The following IP6K2 variants were observed in gnomAD, a reference collection of about 807,000 sequenced individuals.
IP6K2 encodes ATP:1D-myo-inositol-hexakisphosphate phosphotransferase.
IP6K2 carries 9 observed loss-of-function variants against 43.3 expected under a neutral mutation model. That is an observed-to-expected ratio of 0.21 (90% confidence interval 0.13 to 0.36). The LOEUF is 0.36. IP6K2 is among the 10% of genes least tolerant of loss of function. IP6K2 has a pLI of 1.00. For synonymous variants in IP6K2, 209 were observed against 202.4 expected, an observed-to-expected ratio of 1.03 and a Z score of -0.28; for missense variants, 332 against 538.4, an observed-to-expected ratio of 0.62 and a Z score of 3.79.
At position 48,692,974 on chromosome 3, in the gene IP6K2, A is replaced by G. The variant is rs1266727569; in HGVS notation, c.408T>C (p.Arg136=). Residue 136 remains arginine (R), a synonymous_variant, in exon 3 of 6, where the codon CGT becomes CGC. Coordinates refer to ENST00000328631, the MANE Select transcript of IP6K2 (RefSeq NM_016291.4). ...KTPKDWVRQH[R]KEEKMKSHKL... is the part of the protein sequence containing the mutation. ...CTCACCTCTTCATTTTCTCCTCTTT[A>G]CGGTGCTGACGCACCCAGTCCTTAG... 1 of 1,612,308 alleles carries G rather than the reference A, an allele frequency of 6.2e-7. No homozygotes were observed. The highest frequency in any genetic ancestry group is 1.7e-5 in the Admixed American group (1 of 59,848).
At chr3:48,694,332 G>T in intron 2 of IP6K2, 1 of 1,548,936 alleles carries the variant, frequency 6.5e-7, no homozygotes, top group South Asian at 1.2e-5. Flanking sequence ...TACAGAGAAA[G>T]GCACCCAGTA....
At chr3:48,704,335 T>C (rs2079435557) in intron 1 of IP6K2, among the ~76,000 whole-genome samples, 1 of 152,150 alleles carries the variant, frequency 6.6e-6, no homozygotes, top group Non-Finnish European at 1.5e-5. Context: ...ATGAACACAT[T>C]CGCCTCCACA....
intron 1 of IP6K2, among the ~76,000 whole-genome samples, chr3:48,714,969 G>A (rs1357537509): frequency 2.0e-5 from 3 of 151,846 alleles, no homozygotes; most frequent in Non-Finnish European, 4.4e-5. Context: ...CAAATCAACT[G>A]TGCATCATCT....
intron 1 of IP6K2, among the ~76,000 whole-genome samples, chr3:48,703,775 A>G (rs963055261): frequency 6.6e-6 from 1 of 151,436 alleles, no homozygotes; most frequent in Non-Finnish European, 1.5e-5. Flanking sequence ...ATGAGGAAAT[A>G]AATATAAAAA....
At chr3:48,691,863 T>G (rs1325998096) in intron 3 of IP6K2, among the ~76,000 whole-genome samples, 1 of 152,164 alleles carries the variant, frequency 6.6e-6, no homozygotes, top group Non-Finnish European at 1.5e-5. Flanking sequence ...TTTTTTTTCT[T>G]TTTTTGAGAT....
At chr3:48,707,081 C>T (rs1005624700) in intron 1 of IP6K2, among the ~76,000 whole-genome samples, 2 of 152,172 alleles carry the variant, frequency 1.3e-5, no homozygotes, top group East Asian at 3.9e-4. Flanking sequence ...AAGCTTCAGA[C>T]ACCACAAAAC....
intron 2 of IP6K2, chr3:48,694,016 C>CG: frequency 7.1e-7 from 1 of 1,400,056 alleles, no homozygotes; most frequent in South Asian, 1.7e-5. Flanking sequence ...CACCTTTCCT[C>CG]CCAGGCCTCT....
Position 48,695,931 on chromosome 3 carries a change from C to CGGGA in IP6K2, c.-130-514_-130-511dup, listed in dbSNP as rs1441293692. ...GATGGAGTCTCACTCTATCGCCAGG[C>CGGGA]GGGAGTGCAGTGGCACAATCTCGAC... On this transcript the variant is annotated intron_variant, in intron 1 of 5. Transcript: ENST00000328631. This position sits in a 1 kb window ranked among gnomAD's most constrained non-coding sequence, Gnocchi z 4.6. Among the ~76,000 whole-genome samples the CGGGA allele has an allele frequency of 2.0e-5, 3 of 149,954 alleles. No homozygotes were observed. The highest frequency in any genetic ancestry group is 7.4e-5 in the African/African-American group (3 of 40,792).
intron 1 of IP6K2, among the ~76,000 whole-genome samples, chr3:48,715,692 T>C (rs1663490511): frequency 1.3e-5 from 2 of 152,078 alleles, no homozygotes; most frequent in Admixed American, 1.3e-4. Context: ...TTCTTATCCA[T>C]TTCATTTCTT....
At position 48,693,279 on chromosome 3, in the gene IP6K2, T is replaced by C. The variant is rs755038993; in HGVS notation, c.203-100A>G. 1.2e-5 allele frequency: 14 copies of C among 1,200,884 alleles called. No homozygotes were observed. The African/African-American group carries it at 1.9e-4, about 17-fold the overall frequency. The allele number at this position is 1,200,884 out of a possible 1,614,324, so 74.4% of individuals were successfully genotyped here. ...TTTGTTTTTTTCTTACCCAGTTCCT[T>C]AGTCTCTATGTTGCCAGAGGCCCCA... On this transcript the variant is annotated intron_variant, in intron 2 of 5. Transcript: ENST00000328631.
intron 4 of IP6K2, 68 bp from the exon 5 acceptor site, chr3:48,689,781 A>ACCTT: frequency 7.1e-7 from 1 of 1,405,432 alleles, no homozygotes; most frequent in Non-Finnish European, 9.9e-7. Flanking sequence ...CTCTCAAGGT[A>ACCTT]CAGTGCCTTG....
At chr3:48,704,392 T>C (rs115298448) in intron 1 of IP6K2, among the ~76,000 whole-genome samples, 251 of 152,340 alleles carry the variant, frequency 1.6e-3, no homozygotes, top group African/African-American at 5.9e-3. Flanking sequence ...TTTCATTCAA[T>C]TGTATGACGG....
chr3:48,695,090 C>T lies in IP6K2; in HGVS notation c.202G>A (p.Gly68Ser). 1 of 1,613,888 alleles carries T rather than the reference C, an allele frequency of 6.2e-7. No individual in the cohort carries two copies. Among genetic ancestry groups the T allele is most frequent in the Non-Finnish European group, 8.5e-7 (1 of 1,179,764 alleles). Residue 68 changes from glycine to serine, a missense_variant and splice_region_variant, in exon 2 of 6, where the codon GGT becomes AGT. Coordinates refer to ENST00000328631, the MANE Select transcript of IP6K2 (RefSeq NM_016291.4). The surrounding 1 kb of genome is among the most constrained non-coding windows in gnomAD (Gnocchi z 4.6). Reference sequence around the variant, plus strand: ...AACCCCTCCAGCAGCTGGGACTTACCTTTGTACTGGGGAGTGAATTTGCGC... The same window carrying T: ...AACCCCTCCAGCAGCTGGGACTTACTTTTGTACTGGGGAGTGAATTTGCGC... ...EMRKFTPQYKGVVSVRFEEDE... is the reference protein window; with the variant it reads ...EMRKFTPQYKSVVSVRFEEDE...
At chr3:48,692,123 G>A (rs955149269) in intron 3 of IP6K2, among the ~76,000 whole-genome samples, 38 of 152,098 alleles carry the variant, frequency 2.5e-4, no homozygotes, top group African/African-American at 6.5e-4. Flanking sequence ...ATGAGCCACC[G>A]CACCCGGCCA....
At chr3:48,702,825 G>C (rs913058661) in intron 1 of IP6K2, among the ~76,000 whole-genome samples, 2 of 152,128 alleles carry the variant, frequency 1.3e-5, no homozygotes, top group African/African-American at 4.8e-5. Context: ...ATTCACTGCT[G>C]AATCTCCAGG....
chr3:48,692,258 T>C (rs537429062), intron 3 of IP6K2, among the ~76,000 whole-genome samples: 229 of 152,290 alleles, frequency 1.5e-3, no homozygotes, highest in Non-Finnish European at 2.7e-3. Context: ...CTCAAGAAAG[T>C]TGATTTTAGA....
intron 1 of IP6K2, among the ~76,000 whole-genome samples, chr3:48,696,472 T>C (rs1200639224): frequency 6.6e-6 from 1 of 152,176 alleles, no homozygotes; most frequent in Non-Finnish European, 1.5e-5. Context: ...CAAAAGCTGG[T>C]ACACACCTTT....
chr3:48,706,812 C>A (rs1290132155), intron 1 of IP6K2, among the ~76,000 whole-genome samples: 6 of 151,986 alleles, frequency 3.9e-5, no homozygotes, highest in Non-Finnish European at 7.4e-5. Flanking sequence ...GAGACCCTGT[C>A]CCCAAAAAAA....
chr3:48,709,672 A>C (rs1210605695), intron 1 of IP6K2, among the ~76,000 whole-genome samples: 1 of 152,072 alleles, frequency 6.6e-6, no homozygotes. Context: ...CCCCGTCTCT[A>C]CTAAAAATAA....
Sources: gnomAD v4.1 joint callset for allele counts (sites outside exome capture counted in the v4.1 genomes callset) on GRCh38, gnomAD v4.1.1 for gene constraint, Gnocchi (gnomAD v3.1) non-coding constraint, MANE v1.5 for transcripts, NCBI Gene and HGNC (gene_info 2026-07-23, HGNC 2026-07-21) for gene names.